The following SHMT1 variants were observed in gnomAD, a reference collection of about 807,000 sequenced individuals.
SHMT1 encodes the protein serine hydroxymethyltransferase, cytosolic.
SHMT1 carries 45 observed loss-of-function variants against 49.0 expected under a neutral mutation model. The ratio of observed to expected loss-of-function variants is 0.92; its 90% CI spans 0.72 to 1.18. The LOEUF (loss-of-function observed/expected upper bound fraction) is 1.18, where lower values mean the gene tolerates loss of function less well. Ranked by LOEUF, SHMT1 falls within the 50% of genes most tolerant of loss-of-function variation. SHMT1 has a pLI of 0.00. For missense variants in SHMT1, 541 were observed against 612.4 expected (o/e 0.88, Z 1.23); for synonymous variants, 232 against 246.6 (o/e 0.94, Z 0.55).
intron 1 of SHMT1, among the ~76,000 whole-genome samples, chr17:18,359,298 G>C (rs567764898): frequency 2.7e-4 from 41 of 152,114 alleles, no homozygotes; most frequent in African/African-American, 9.4e-4. Flanking sequence ...CAGCACTTAG[G>C]GGAGTCAAGG....
chr17:18,356,425 T>C (rs1986247311), intron 1 of SHMT1, among the ~76,000 whole-genome samples: 1 of 152,194 alleles, frequency 6.6e-6, no homozygotes, highest in African/African-American at 2.4e-5. Flanking sequence ...AACCTCCGCC[T>C]CCTGGGTTCA....
intron 4 of SHMT1, 28 bp from the exon 5 acceptor site, chr17:18,347,684 G>C: frequency 5.6e-6 from 9 of 1,613,876 alleles, no homozygotes; most frequent in Non-Finnish European, 7.6e-6. Context: ...GAGGAGACAT[G>C]ATTATTTCTA....
Position 18,340,080 on chromosome 17 carries a change from C to G in SHMT1, c.777G>C (p.Leu259=). ...HVVTTTTHKT[L]RGCRAGMIFY... is the part of the protein sequence containing the mutation. ...AGATCATGCCAGCTCGGCAGCCTCG[C>G]AGGGTCTTGTGAGTGGTGGTGGTCA... Residue 259 remains leucine, a synonymous_variant, in exon 7 of 12, where the codon CTG becomes CTC. Transcript: ENST00000316694. This position sits in a 1 kb window ranked among gnomAD's most constrained non-coding sequence, Gnocchi z 4.5. 6.2e-7 allele frequency: 1 copy of G among 1,614,104 alleles called. No homozygotes were observed. Among genetic ancestry groups the G allele is most frequent in the South Asian group, 1.1e-5 (1 of 91,086 alleles).
intron 9 of SHMT1, chr17:18,331,903 G>T (rs554218085): frequency 7.9e-5 from 12 of 152,320 alleles, no homozygotes; most frequent in African/African-American, 2.4e-4. Flanking sequence ...TTCTCATAAG[G>T]ATGCAGGTAT....
At chr17:18,351,992 A>G (rs1041632853) in intron 3 of SHMT1, among the ~76,000 whole-genome samples, 2 of 151,674 alleles carry the variant, frequency 1.3e-5, no homozygotes, top group African/African-American at 4.8e-5. Context: ...CTACAGGCGC[A>G]TGCCACCATG....
chr17:18,356,473 C>A (rs577797896), intron 1 of SHMT1, among the ~76,000 whole-genome samples: 1 of 152,246 alleles, frequency 6.6e-6, no homozygotes, highest in Admixed American at 6.6e-5. Context: ...GTAGCTGGGA[C>A]TACAGGCGTG....
In SHMT1 at chr17:18,352,208, C is replaced by T. The variant is rs576638609; in HGVS notation, c.242+1464G>A. Among the ~76,000 whole-genome samples, 462 of 142,046 alleles carry T rather than the reference C, an allele frequency of 3.3e-3. 5 individuals are homozygous for T. Among genetic ancestry groups the T allele is most frequent in the Middle Eastern group, 3.8e-3 (1 of 260 alleles). 93.2% of individuals were successfully genotyped at this position (142,046 alleles called of 152,430 possible). ...TCGCCCAGGCTAGAGTGCAGTGGCG[C>T]GATCTCGGCTCACTGCAAGCTCTGC... is the stretch of plus-strand genomic sequence containing the variant. On this transcript the variant is annotated intron_variant, in intron 3 of 11. Coordinates refer to ENST00000316694, the MANE Select transcript of SHMT1 (RefSeq NM_004169.5).
In SHMT1 at chr17:18,335,565, T is replaced by C. The variant is rs762791030; in HGVS notation, c.925A>G (p.Ile309Val). Reference protein sequence around the residue: ...GLQGGPHNHAIAGVAVALKQA... With the variant: ...GLQGGPHNHAVAGVAVALKQA... Reference sequence around the variant, plus strand: ...GAGGCAGATGATGTTTTACCAGCAATGGCGTGGTTGTGGGGACCTCCCTGC... The same window carrying C: ...GAGGCAGATGATGTTTTACCAGCAACGGCGTGGTTGTGGGGACCTCCCTGC... Residue 309 changes from isoleucine (I) to valine (V), a missense_variant, in exon 8 of 12, where the codon ATT (isoleucine) becomes GTT (valine). By Grantham distance (29) the Ile-to-Val change is conservative. Transcript: ENST00000316694. The C allele has an allele frequency of 1.2e-6, 2 of 1,603,746 alleles. No individual in the cohort carries two copies. Among genetic ancestry groups the C allele is most frequent in the South Asian group, 1.1e-5 (1 of 90,860 alleles).
At chr17:18,346,398 A>C (rs1459232770) in intron 5 of SHMT1, among the ~76,000 whole-genome samples, 2 of 152,184 alleles carry the variant, frequency 1.3e-5, no homozygotes, top group Admixed American at 6.6e-5. Context: ...ACCATGCCTG[A>C]ATAAGCCCAC....
chr17:18,344,319 T>C (rs1236830720), intron 5 of SHMT1, among the ~76,000 whole-genome samples: 1 of 152,112 alleles, frequency 6.6e-6, no homozygotes, highest in Non-Finnish European at 1.5e-5. Context: ...CACCTGAATT[T>C]GGCAAAGAAA....
At chr17:18,343,178 A>G (rs1472304108) in intron 5 of SHMT1, among the ~76,000 whole-genome samples, 2 of 152,150 alleles carry the variant, frequency 1.3e-5, no homozygotes, top group African/African-American at 2.4e-5. Flanking sequence ...ATCACTGTGC[A>G]TCCCATAATT....
intron 7 of SHMT1, among the ~76,000 whole-genome samples, chr17:18,336,924 T>A (rs1983857280): frequency 6.6e-6 from 1 of 152,186 alleles, no homozygotes; most frequent in Non-Finnish European, 1.5e-5. Context: ...GCAGCCTGAG[T>A]GACAGAGTGA....
At chr17:18,352,877 GAAGA>G (rs982586694) in intron 3 of SHMT1, among the ~76,000 whole-genome samples, 28 of 151,446 alleles carry the variant, frequency 1.8e-4, no homozygotes, top group African/African-American at 4.6e-4. Context: ...TAGCCTGAAA[GAAGA>G]AAGAAAGGAA....
At chr17:18,331,188 C>T (rs1015717348) in intron 9 of SHMT1, 1 of 259,698 alleles carries the variant, frequency 3.9e-6, no homozygotes, top group African/African-American at 2.2e-5. Context: ...GTTTTCTGGA[C>T]CTGGCCCGAG....
At chr17:18,349,688 C>T (rs1484083318) in intron 3 of SHMT1, among the ~76,000 whole-genome samples, 1 of 152,204 alleles carries the variant, frequency 6.6e-6, no homozygotes, top group Admixed American at 6.6e-5. Flanking sequence ...CACTGCACTA[C>T]AGCTGGAGCA....
intron 7 of SHMT1, 135 bp from the exon 8 acceptor site, chr17:18,335,810 A>G (rs1983729312): frequency 1.3e-6 from 1 of 762,894 alleles, no homozygotes; most frequent in Non-Finnish European, 2.4e-6. Flanking sequence ...ACTGATTTGT[A>G]ACACAGCGGA....
At chr17:18,334,663 G>A (rs1983602588) in intron 8 of SHMT1, among the ~76,000 whole-genome samples, 1 of 152,060 alleles carries the variant, frequency 6.6e-6, no homozygotes, top group African/African-American at 2.4e-5. Flanking sequence ...CAATCCTGAG[G>A]GCTGCTTCAA....
chr17:18,329,401 CGGG>C lies in SHMT1; in HGVS notation c.1172-16_1172-14del. ...GCGCTTCTGTCACCTACAAGATAAA[CGGG>C]GCTCTGTCCCTAAGTCACATTGTCA... is the stretch of plus-strand genomic sequence containing the variant. On this transcript the variant is annotated splice_polypyrimidine_tract_variant and intron_variant, in intron 10 of 11. Coordinates refer to ENST00000316694, the MANE Select transcript of SHMT1 (RefSeq NM_004169.5). 1 of 1,600,492 alleles carries C rather than the reference CGGG, an allele frequency of 6.2e-7. No homozygotes were observed. The highest frequency in any genetic ancestry group is 8.5e-7 in the Non-Finnish European group (1 of 1,170,658).
rs530672268 is a variant in SHMT1 at position 18,354,224 on chromosome 17, CCTGA to C, written c.97-411_97-408del. 3.0e-4 allele frequency among the ~76,000 whole-genome samples: 45 copies of C among 152,228 alleles called. No individual in the cohort carries two copies. The East Asian group carries it at 7.7e-3, about 26-fold the overall frequency. ...CCTGAGGTCGGGGGTTCGAGACCAG[CCTGA>C]CTAACATGGAGAAACCCTCGTCTCT... is the stretch of plus-strand genomic sequence containing the variant. On this transcript the variant is annotated intron_variant, in intron 2 of 11. Coordinates refer to ENST00000316694, the MANE Select transcript of SHMT1 (RefSeq NM_004169.5).
Sources: gnomAD v4.1 joint callset for allele counts (sites outside exome capture counted in the v4.1 genomes callset) on GRCh38, gnomAD v4.1.1 for gene constraint, Gnocchi (gnomAD v3.1) non-coding constraint, MANE v1.5 for transcripts, NCBI Gene and HGNC (gene_info 2026-07-23, HGNC 2026-07-21) for gene names.